Variants in ABCC1 observed in about 807,000 individuals in gnomAD.
ABCC1 encodes the protein multidrug resistance-associated protein 1.
A neutral mutation model predicts 172.9 loss-of-function variants in ABCC1; 83 were observed. That is an observed-to-expected ratio of 0.48 (90% confidence interval 0.40 to 0.58). The LOEUF (loss-of-function observed/expected upper bound fraction) is 0.58, where lower values mean the gene tolerates loss of function less well. Ranked by LOEUF, ABCC1 falls within the 20% of genes least tolerant of loss-of-function variation. ABCC1 has a pLI of 0.00. For missense variants in ABCC1, 1,817 were observed against 2,002.7 expected, an observed-to-expected ratio of 0.91 and a Z score of 1.77; for synonymous variants, 937 against 825.2, an observed-to-expected ratio of 1.14 and a Z score of -2.32.
chr16:16,099,326 G>A (rs1596496073), intron 19 of ABCC1, among the ~76,000 whole-genome samples: 2 of 152,230 alleles, frequency 1.3e-5, no homozygotes, highest in African/African-American at 2.4e-5. Flanking sequence ...AGGGTGATCA[G>A]CGCCTGTTGG....
chr16:16,099,039 A>G, intron 19 of ABCC1: 1 of 749,960 alleles, frequency 1.3e-6, no homozygotes, highest in Non-Finnish European at 2.1e-6. Flanking sequence ...TGGTTCATTT[A>G]GCACACATTT....
Position 16,103,671 on chromosome 16 carries a change from C to G in ABCC1, c.2735+954C>G, listed in dbSNP as rs45522836. Among the ~76,000 whole-genome samples the G allele has an allele frequency of 6.2e-3, 939 of 152,304 alleles. 8 individuals are homozygous for G. Among genetic ancestry groups the G allele is most frequent in the African/African-American group, 0.021 (869 of 41,556 alleles). ...AAAGTCGGAGCCTAAACGTATCAGACCGCGGAGATCTGAGAAAGGATCCCG... is the reference window on the plus strand; with the variant it reads ...AAAGTCGGAGCCTAAACGTATCAGAGCGCGGAGATCTGAGAAAGGATCCCG... On this transcript the variant is annotated intron_variant, in intron 20 of 30. Transcript: ENST00000399410.
rs1273202195 is a variant in ABCC1, at chr16:16,016,619, C to T, written c.613C>T (p.Pro205Ser). The stretch of plus-strand genomic sequence containing the variant: ...CCTGTTCTCGGAAACCATCCACGAC[C>T]CTGTAAGTGTGACCACAGATGAGTG... Reference protein sequence around the residue: ...SPLFSETIHDPNPCPESSASF... With the variant: ...SPLFSETIHDSNPCPESSASF... Residue 205 changes from proline (P) to serine (S), a missense_variant and splice_region_variant, in exon 5 of 31, where the codon CCT becomes TCT. By Grantham distance (74) the Pro-to-Ser change is moderately conservative. This residue lies in a region of ABCC1 where 398 missense variants were observed against 384.2 expected (regional missense o/e 1.04). Transcript: ENST00000399410. 6.2e-7 allele frequency: 1 copy of T among 1,614,114 alleles called. No individual in the cohort carries two copies. Among genetic ancestry groups the T allele is most frequent in the South Asian group, 1.1e-5 (1 of 91,078 alleles).
intron 20 of ABCC1, among the ~76,000 whole-genome samples, chr16:16,105,644 T>A (rs1335915869): frequency 6.6e-6 from 1 of 152,018 alleles, no homozygotes; most frequent in Admixed American, 6.6e-5. Context: ...GAGGAAAGTA[T>A]AGAAATTTCC....
chr16:15,967,727 T>TC (rs2046276565), intron 1 of ABCC1, among the ~76,000 whole-genome samples: 1 of 144,984 alleles, frequency 6.9e-6, no homozygotes, highest in Non-Finnish European at 1.5e-5. Context: ...ACCACTGCAC[T>TC]CCAGCCTGGA....
At chr16:15,965,992 A>G (rs2046233847) in intron 1 of ABCC1, among the ~76,000 whole-genome samples, 1 of 152,162 alleles carries the variant, frequency 6.6e-6, no homozygotes, top group Non-Finnish European at 1.5e-5. Flanking sequence ...AATGAATAAC[A>G]TCTGAAAAGG....
chr16:15,961,523 G>T (rs1319714603), intron 1 of ABCC1, among the ~76,000 whole-genome samples: 1 of 152,202 alleles, frequency 6.6e-6, no homozygotes, highest in Non-Finnish European at 1.5e-5. Context: ...GTTCCCAGAA[G>T]TAGCCGTTAT....
intron 11 of ABCC1, among the ~76,000 whole-genome samples, chr16:16,054,690 C>A (rs577784062): frequency 6.6e-6 from 1 of 152,058 alleles, no homozygotes; most frequent in Non-Finnish European, 1.5e-5. Flanking sequence ...CCGACTCAAC[C>A]CATTTCAGTC....
At chr16:16,037,727 C>T (rs763291764) in intron 7 of ABCC1, among the ~76,000 whole-genome samples, 26 of 152,132 alleles carry the variant, frequency 1.7e-4, no homozygotes, top group Non-Finnish European at 2.4e-4. Flanking sequence ...AACCCCAGAC[C>T]GGGGTTCTGT....
Position 16,121,933 on chromosome 16 carries a change from A to C in ABCC1, c.3391-42A>C, listed in dbSNP as rs191174271. The C allele has an allele frequency of 1.9e-6, 3 of 1,602,810 alleles. No individual in the cohort carries two copies. In the African/African-American group the frequency reaches 4.0e-5, roughly 21 times the overall value. ...AGCCCTGCCCTGGGAGGATGGCAGG[A>C]GGGAACCTTCATCAACTCCCCGCGT... is the stretch of plus-strand genomic sequence containing the variant. On this transcript the variant is annotated intron_variant, in intron 23 of 30. Coordinates refer to ENST00000399410, the MANE Select transcript of ABCC1 (RefSeq NM_004996.4).
At chr16:16,056,913 G>A (rs1275051551) in intron 12 of ABCC1, among the ~76,000 whole-genome samples, 1 of 152,088 alleles carries the variant, frequency 6.6e-6, no homozygotes, top group East Asian at 1.9e-4. Context: ...TGAGTCGAAC[G>A]GCACGCTTGG....
intron 3 of ABCC1, among the ~76,000 whole-genome samples, chr16:16,011,595 C>T (rs1019579869): frequency 2.6e-5 from 4 of 151,984 alleles, no homozygotes; most frequent in African/African-American, 7.3e-5. Flanking sequence ...GATCCTTCTG[C>T]CTCAGCCTCC....
At chr16:16,124,351 T>TGTGTGTGTGTGTGA (rs1567432185) in intron 24 of ABCC1, among the ~76,000 whole-genome samples, 1 of 32,898 alleles carries the variant, frequency 3.0e-5, no homozygotes, top group African/African-American at 1.2e-4. Flanking sequence ...GTGTGTGTGA[T>TGTGTGTGTGTGTGA]TATAGGAGTG....
intron 12 of ABCC1, among the ~76,000 whole-genome samples, chr16:16,059,668 G>A (rs1160590247): frequency 6.6e-6 from 1 of 152,024 alleles, no homozygotes; most frequent in African/African-American, 2.4e-5. Context: ...AGCTGGAAGT[G>A]GTGGTGCGCA....
At chr16:16,134,590 T>C (rs564648009) in intron 28 of ABCC1, 82 bp downstream of exon 28, 159 of 1,495,700 alleles carry the variant, frequency 1.1e-4, no homozygotes, top group African/African-American at 8.1e-4. Context: ...TGTATATTTT[T>C]GGGGCAAACA....
intron 22 of ABCC1, among the ~76,000 whole-genome samples, chr16:16,112,011 G>A (rs1031538538): frequency 2.0e-5 from 3 of 152,148 alleles, no homozygotes; most frequent in Non-Finnish European, 2.9e-5. Context: ...GTCCCTCAGG[G>A]ATGTTTGACA....
At position 16,111,694 on chromosome 16, in the gene ABCC1, C is replaced by T. The variant is rs149579908; in HGVS notation, c.3079+112C>T. ...GCGTTTTGTGGGACCCCAAACCAAGCCAAACCCAGAAAAATGGTAGCTGTC... is the reference window on the plus strand; with the variant it reads ...GCGTTTTGTGGGACCCCAAACCAAGTCAAACCCAGAAAAATGGTAGCTGTC... On this transcript the variant is annotated intron_variant, in intron 22 of 30. Transcript: ENST00000399410. 4.9e-5 allele frequency: 46 copies of T among 934,650 alleles called. No homozygotes were observed. In the East Asian group the frequency reaches 1.1e-3, roughly 23 times the overall value. The allele number at this position is 934,650 out of a possible 1,614,324, so 57.9% of individuals were successfully genotyped here.
At chr16:16,028,908 G>A (rs1326741573) in intron 5 of ABCC1, among the ~76,000 whole-genome samples, 1 of 152,160 alleles carries the variant, frequency 6.6e-6, no homozygotes, top group Non-Finnish European at 1.5e-5. Flanking sequence ...CTCGGCTTCA[G>A]TTGGTCTGGA....
At chr16:15,954,729 C>T (rs766194590) in intron 1 of ABCC1, among the ~76,000 whole-genome samples, 7 of 152,118 alleles carry the variant, frequency 4.6e-5, no homozygotes, top group Non-Finnish European at 1.0e-4. Flanking sequence ...TTCTCTTTCT[C>T]CGAGGACAAG....
Sources: gnomAD v4.1 joint callset for allele counts (sites outside exome capture counted in the v4.1 genomes callset) on GRCh38, gnomAD v4.1.1 for gene constraint, gnomAD v4.1.1 regional missense constraint, MANE v1.5 for transcripts, NCBI Gene and HGNC (gene_info 2026-07-23, HGNC 2026-07-21) for gene names.